The following SND1 variants were observed in gnomAD, a reference collection of about 807,000 sequenced individuals.
SND1 encodes the protein staphylococcal nuclease domain-containing protein 1.
A neutral mutation model predicts 121.7 loss-of-function variants in SND1; 38 were observed. That is an observed-to-expected ratio of 0.31 (90% CI 0.24 to 0.41). The LOEUF is 0.41. SND1 is among the 10% of genes least tolerant of loss of function. The pLI, the probability that SND1 is intolerant of heterozygous loss-of-function variation, is 1.00. For synonymous variants in SND1, 401 were observed against 447.4 expected (o/e 0.90, Z 1.31); for missense variants, 868 against 1,184.6 (o/e 0.73, Z 3.92).
intron 13 of SND1, among the ~76,000 whole-genome samples, chr7:127,899,415 A>G (rs1460850711): frequency 6.6e-6 from 1 of 152,138 alleles, no homozygotes; most frequent in East Asian, 1.9e-4. Flanking sequence ...TACTCTTTTC[A>G]TTGTAGTGTT....
chr7:127,655,584 A>G (rs1377271880), intron 1 of SND1, among the ~76,000 whole-genome samples: 3 of 152,258 alleles, frequency 2.0e-5, no homozygotes, highest in African/African-American at 7.2e-5. Context: ...AATATAACCC[A>G]GATAAATACA....
At chr7:128,016,589 G>A (rs1449930773) in intron 16 of SND1, among the ~76,000 whole-genome samples, 1 of 152,112 alleles carries the variant, frequency 6.6e-6, no homozygotes, top group Non-Finnish European at 1.5e-5. Flanking sequence ...GCCTATGGCT[G>A]GTGTTTGCCC....
At chr7:127,775,160 A>T (rs1797592984) in intron 10 of SND1, among the ~76,000 whole-genome samples, 1 of 152,228 alleles carries the variant, frequency 6.6e-6, no homozygotes, top group Non-Finnish European at 1.5e-5. Context: ...GTCAACAAGG[A>T]CCGGAAGCTC....
chr7:127,665,809 A>C (rs1795406599), intron 1 of SND1, among the ~76,000 whole-genome samples: 1 of 152,218 alleles, frequency 6.6e-6, no homozygotes, highest in South Asian at 2.1e-4. Context: ...GGACATTAAA[A>C]AAAATTTTGG....
intron 17 of SND1, 34 bp downstream of exon 17, chr7:128,074,724 C>T (rs1016518291): frequency 3.9e-6 from 6 of 1,558,042 alleles, no homozygotes; most frequent in Non-Finnish European, 4.4e-6. Context: ...CTCTCCCTGC[C>T]CTCCCGTCCT....
At chr7:127,838,205 A>C (rs1467765739) in intron 11 of SND1, among the ~76,000 whole-genome samples, 10 of 152,190 alleles carry the variant, frequency 6.6e-5, no homozygotes, top group African/African-American at 2.2e-4. Context: ...ACAGATGTCA[A>C]CTACTGATTA....
intron 12 of SND1, among the ~76,000 whole-genome samples, chr7:127,857,052 C>T (rs1799288777): frequency 6.6e-6 from 1 of 152,110 alleles, no homozygotes; most frequent in Non-Finnish European, 1.5e-5. Flanking sequence ...ATACCCCTTC[C>T]TTTCCAAAGA....
At chr7:128,056,252 A>G (rs62483978) in intron 16 of SND1, among the ~76,000 whole-genome samples, 10,672 of 152,256 alleles carry the variant, frequency 0.07, 469 homozygotes, top group Middle Eastern at 0.21. Flanking sequence ...TGCCTCGAGC[A>G]TTTATGATCT....
At chr7:127,672,656 C>A (rs778911821) in intron 1 of SND1, among the ~76,000 whole-genome samples, 2 of 151,940 alleles carry the variant, frequency 1.3e-5, no homozygotes, top group Non-Finnish European at 2.9e-5. Flanking sequence ...GGATACAATA[C>A]TGCCATCCAA....
At chr7:128,032,297 C>T (rs1792647434) in intron 16 of SND1, among the ~76,000 whole-genome samples, 1 of 151,088 alleles carries the variant, frequency 6.6e-6, no homozygotes, top group Admixed American at 6.6e-5. Context: ...TTCCTCCTCT[C>T]TTCCTCTCTC....
intron 4 of SND1, 36 bp downstream of exon 4, chr7:127,698,989 G>A (rs559758548): frequency 6.5e-5 from 101 of 1,562,430 alleles, no homozygotes; most frequent in Admixed American, 8.4e-5. Flanking sequence ...CTCTGACAGC[G>A]GTAAATTGGC....
intron 16 of SND1, chr7:128,032,205 C>G (rs1563096078): frequency 6.6e-6 from 1 of 151,812 alleles, no homozygotes; most frequent in Non-Finnish European, 1.5e-5. Context: ...GCGGGGTTAA[C>G]GCCGGCGCCT....
At chr7:127,769,494 A>G (rs114066915) in intron 10 of SND1, among the ~76,000 whole-genome samples, 1 of 152,222 alleles carries the variant, frequency 6.6e-6, no homozygotes, top group African/African-American at 2.4e-5. Context: ...CTCTCTAGCA[A>G]CCTGTCCAAA....
At chr7:127,700,509 A>G (rs921344205) in intron 4 of SND1, among the ~76,000 whole-genome samples, 1 of 152,212 alleles carries the variant, frequency 6.6e-6, no homozygotes, top group Non-Finnish European at 1.5e-5. Context: ...CCTTTAGCTC[A>G]GATATAACAG....
rs542181798 is a variant in SND1 at position 128,074,370 on chromosome 7, G to A, written c.1780-132G>A. 5 of 829,766 alleles carry A rather than the reference G, an allele frequency of 6.0e-6. No individual in the cohort carries two copies. In the African/African-American group the frequency reaches 6.9e-5, roughly 11 times the overall value. The allele number at this position is 829,766 out of a possible 1,614,324, so 51.4% of individuals were successfully genotyped here. A position where few individuals can be genotyped will look rare whatever the true frequency, so the allele number is the denominator to read the frequency against. The stretch of plus-strand genomic sequence containing the variant: ...AGGCTGAAATTGAAGGGTTCTGGGG[G>A]TTCCCAGAGGTTGGCAGCGGCTGCC... On this transcript the variant is annotated intron_variant, in intron 16 of 23. Coordinates refer to ENST00000354725, the MANE Select transcript of SND1 (RefSeq NM_014390.4).
chr7:127,960,123 CTTCTGTCGCTGCTTT>C (rs1801696170), intron 15 of SND1, among the ~76,000 whole-genome samples: 2 of 152,230 alleles, frequency 1.3e-5, no homozygotes, highest in African/African-American at 4.8e-5. Context: ...AGCACCTCTG[CTTCTGTCGCTGCTTT>C]CCCAGGCTCA....
chr7:127,689,779 C>T (rs1587597798), intron 2 of SND1, among the ~76,000 whole-genome samples: 1 of 152,244 alleles, frequency 6.6e-6, no homozygotes, highest in South Asian at 2.1e-4. Context: ...AGCCCACAGT[C>T]ATCATTTCTC....
chr7:127,886,612 C>G (rs1189698322), intron 12 of SND1, among the ~76,000 whole-genome samples: 1 of 152,196 alleles, frequency 6.6e-6, no homozygotes, highest in East Asian at 1.9e-4. Context: ...TCAATAATAT[C>G]ATGCTTCTTG....
chr7:127,775,695 GT>G (rs1363402228), intron 10 of SND1, among the ~76,000 whole-genome samples: 1 of 151,956 alleles, frequency 6.6e-6, no homozygotes, highest in Non-Finnish European at 1.5e-5. Context: ...TGTTCTAAGT[GT>G]TTTTTCTCAT....
Sources: allele counts gnomAD v4.1 joint callset (sites outside exome capture counted in the v4.1 genomes callset), GRCh38; gene constraint gnomAD v4.1.1; transcripts MANE v1.5; gene names NCBI Gene and HGNC (gene_info 2026-07-23, HGNC 2026-07-21).